Variants in AFTPH observed in about 807,000 individuals in gnomAD.
The protein encoded by AFTPH is aftiphilin protein.
A neutral mutation model predicts 72.5 loss-of-function variants in AFTPH; 7 were observed. The ratio of observed to expected loss-of-function variants is 0.10; its 90% CI spans 0.05 to 0.18. AFTPH has a LOEUF of 0.18. Ranked by LOEUF, AFTPH falls within the 10% of genes least tolerant of loss-of-function variation. The probability of loss-of-function intolerance (pLI) is 1.00; values close to 1 mark genes in which losing one functional copy is unlikely to be tolerated. For synonymous variants in AFTPH, 337 were observed against 370.1 expected (o/e 0.91, Z 1.03); for missense variants, 979 against 1,060.5 (o/e 0.92, Z 1.07).
intron 2 of AFTPH, among the ~76,000 whole-genome samples, chr2:64,559,956 T>C (rs1472149749): frequency 6.6e-6 from 1 of 152,174 alleles, no homozygotes; most frequent in Admixed American, 6.5e-5. Context: ...TGCCTGCCTC[T>C]GCCTCCTAGA....
rs530212117 is a variant in AFTPH, at chr2:64,559,748, A to G, written c.1935+6339A>G. Reference sequence around the variant, plus strand: ...GAGACAGGGTCCCATTCCGTTGCCCAGCCTGGAGTGTAGTGGCATGGTCTC... The same window carrying G: ...GAGACAGGGTCCCATTCCGTTGCCCGGCCTGGAGTGTAGTGGCATGGTCTC... On this transcript the variant is annotated intron_variant, in intron 2 of 8. Transcript: ENST00000238856. Among the ~76,000 whole-genome samples the G allele has an allele frequency of 1.5e-4, 23 of 152,284 alleles. 1 individual carries two copies. In the South Asian group the frequency reaches 2.5e-3, roughly 16 times the overall value.
At chr2:64,574,613 G>T (rs1243014864) in intron 6 of AFTPH, among the ~76,000 whole-genome samples, 2 of 152,152 alleles carry the variant, frequency 1.3e-5, no homozygotes, top group African/African-American at 4.8e-5. Flanking sequence ...TAATATTACT[G>T]CTGTGTACCA....
At chr2:64,552,466 A>G (rs1671108265) in exon 2 of AFTPH, 2 of 1,614,076 alleles carry the variant, frequency 1.2e-6, no homozygotes, top group Non-Finnish European at 1.7e-6. Flanking sequence ...TCAGGTGTTC[A>G]GTCAAAGGCT....
intron 2 of AFTPH, 83 bp downstream of exon 2, chr2:64,553,492 T>G (rs1468912525): frequency 2.8e-6 from 4 of 1,414,586 alleles, no homozygotes; most frequent in Non-Finnish European, 3.7e-6. Flanking sequence ...AAATATTTTT[T>G]CAACTGAGTA....
chr2:64,586,668 TTGTC>T (rs1673532063), intron 8 of AFTPH, among the ~76,000 whole-genome samples: 1 of 152,326 alleles, frequency 6.6e-6, no homozygotes, highest in South Asian at 2.1e-4. Context: ...AAATCCTTGT[TTGTC>T]TGCCAGTTCT....
At chr2:64,567,774 A>G (rs1185043987) in intron 3 of AFTPH, 61 bp downstream of exon 3, 7 of 1,545,474 alleles carry the variant, frequency 4.5e-6, no homozygotes, top group Middle Eastern at 1.7e-4. Flanking sequence ...GTTCTAATTT[A>G]TAAGTTTATC....
chr2:64,548,433 A>AAAC lies in AFTPH; in HGVS notation c.-32-3009_-32-3007dup, dbSNP rs1553397846. Among the ~76,000 whole-genome samples, 679 of 102,602 alleles carry AAAC rather than the reference A, an allele frequency of 6.6e-3. 77 individuals carry two copies. The highest frequency in any genetic ancestry group is 8.2e-3 in the Non-Finnish European group (386 of 47,044). The allele number at this position is 102,602 out of a possible 152,430, so 67.3% of individuals were successfully genotyped here. On this transcript the variant is annotated intron_variant, in intron 1 of 8. Coordinates refer to ENST00000238856, the Ensembl canonical transcript of AFTPH. ...AAAAAAAAAAAAAAAAAAAAAAAAAAAACTTTAGAAAAAGGAATCCTGTAG... is the reference window on the plus strand; with the variant it reads ...AAAAAAAAAAAAAAAAAAAAAAAAAAAACAACTTTAGAAAAAGGAATCCTGTAG...
chr2:64,541,352 T>A (rs1244654428), intron 1 of AFTPH, among the ~76,000 whole-genome samples: 2 of 152,166 alleles, frequency 1.3e-5, no homozygotes, highest in African/African-American at 4.8e-5. Context: ...ATCTTGGGTT[T>A]TTGTTTTTAG....
intron 2 of AFTPH, among the ~76,000 whole-genome samples, chr2:64,567,017 C>T (rs1478324041): frequency 1.3e-5 from 2 of 152,064 alleles, no homozygotes; most frequent in African/African-American, 2.4e-5. Flanking sequence ...GTACTGTTAG[C>T]AGCAAAGATA....
At chr2:64,583,674 A>C (rs1181465249) in intron 7 of AFTPH, among the ~76,000 whole-genome samples, 2 of 152,162 alleles carry the variant, frequency 1.3e-5, no homozygotes, top group African/African-American at 4.8e-5. Context: ...AGACATATAC[A>C]ATTTTTTACA....
At chr2:64,532,337 T>A (rs552102270) in intron 1 of AFTPH, among the ~76,000 whole-genome samples, 239 of 152,286 alleles carry the variant, frequency 1.6e-3, no homozygotes, top group African/African-American at 5.6e-3. Context: ...TTGTTAAAAA[T>A]TTTTTTAAAA....
chr2:64,585,171 G>A (rs1337292145), intron 7 of AFTPH, among the ~76,000 whole-genome samples: 2 of 152,212 alleles, frequency 1.3e-5, no homozygotes, highest in African/African-American at 2.4e-5. Flanking sequence ...AGCATCTGCT[G>A]CATAAATGCT....
chr2:64,539,891 TGAG>T lies in AFTPH; in HGVS notation c.-32-11545_-32-11543del, dbSNP rs200421536. Among the ~76,000 whole-genome samples, 712 of 152,152 alleles carry T rather than the reference TGAG, an allele frequency of 4.7e-3. 6 individuals carry two copies. The highest frequency in any genetic ancestry group is 0.017 in the African/African-American group (686 of 41,492). Reference sequence around the variant, plus strand: ...ACATCTCTTTCAAGAAGCTTGGTGGTGAGGAGGAGAAGAGCTAGGGCGCACAGA... The same window carrying T: ...ACATCTCTTTCAAGAAGCTTGGTGGTGAGGAGAAGAGCTAGGGCGCACAGA... On this transcript the variant is annotated intron_variant, in intron 1 of 8. Coordinates refer to ENST00000238856, the Ensembl canonical transcript of AFTPH.
At chr2:64,535,488 G>A (rs566269044) in intron 1 of AFTPH, among the ~76,000 whole-genome samples, 1 of 152,288 alleles carries the variant, frequency 6.6e-6, no homozygotes, top group African/African-American at 2.4e-5. Context: ...AAAGAACACT[G>A]GCTTTGAGTC....
intron 2 of AFTPH, among the ~76,000 whole-genome samples, chr2:64,554,188 A>G (rs1011542627): frequency 9.2e-5 from 14 of 152,294 alleles, no homozygotes; most frequent in South Asian, 4.1e-4. Flanking sequence ...CTTACCTCCT[A>G]TACATTATCC....
At chr2:64,552,024 A>G in exon 2 of AFTPH, 1 of 1,613,954 alleles carries the variant, frequency 6.2e-7, no homozygotes, top group Non-Finnish European at 8.5e-7. Context: ...GATTCTAACA[A>G]ATGGGTTTGC....
At chr2:64,577,831 T>C (rs1435065696) in intron 6 of AFTPH, among the ~76,000 whole-genome samples, 2 of 152,218 alleles carry the variant, frequency 1.3e-5, no homozygotes, top group African/African-American at 2.4e-5. Flanking sequence ...TTCACCAGTT[T>C]CCTCCATGGT....
chr2:64,537,752 G>A (rs764257065), intron 1 of AFTPH, among the ~76,000 whole-genome samples: 16 of 151,996 alleles, frequency 1.1e-4, no homozygotes, highest in African/African-American at 1.9e-4. Context: ...AGTAATTTTC[G>A]TTTATTACTT....
chr2:64,584,736 A>G (rs1333056263), intron 7 of AFTPH, among the ~76,000 whole-genome samples: 2 of 151,544 alleles, frequency 1.3e-5, no homozygotes, highest in Admixed American at 1.3e-4. Flanking sequence ...AGCTGGGACT[A>G]CAGGCGCCCA....
Sources: allele counts gnomAD v4.1 joint callset (sites outside exome capture counted in the v4.1 genomes callset), GRCh38; gene constraint gnomAD v4.1.1; transcripts MANE v1.5; gene names NCBI Gene and HGNC (gene_info 2026-07-23, HGNC 2026-07-21).